Variants in CDK14 observed in about 807,000 individuals in gnomAD.
CDK14 encodes cyclin-dependent kinase 14.
Under a neutral mutation model 60.7 loss-of-function variants are expected in CDK14, and 34 were observed. That is an observed-to-expected ratio of 0.56 (90% CI 0.43 to 0.75). The LOEUF is 0.75. Among genes scored for constraint, CDK14 ranks in the 30% least tolerant of loss-of-function variants. The probability of loss-of-function intolerance (pLI) is 0.00; values close to 1 mark genes in which losing one functional copy is unlikely to be tolerated. For synonymous variants in CDK14, 197 were observed against 203.7 expected (o/e 0.97, Z 0.28); for missense variants, 482 against 564.1 (o/e 0.85, Z 1.47).
chr7:90,744,793 G>A (rs1166981697), intron 3 of CDK14, among the ~76,000 whole-genome samples: 1 of 135,650 alleles, frequency 7.4e-6, no homozygotes, highest in African/African-American at 2.7e-5. Context: ...CCTGCCGGAC[G>A]GGGCGGCTGG....
chr7:90,979,571 TAGA>T (rs773094011), intron 9 of CDK14: 6 of 152,200 alleles, frequency 3.9e-5, no homozygotes, highest in Non-Finnish European at 7.3e-5. Flanking sequence ...AGAAAGTTGA[TAGA>T]AGTTTTCCCA....
chr7:90,725,336 C>CA (rs1292074437), intron 2 of CDK14, among the ~76,000 whole-genome samples: 2 of 152,120 alleles, frequency 1.3e-5, no homozygotes, highest in Non-Finnish European at 2.9e-5. Flanking sequence ...CTCATACACT[C>CA]ACAAATATCT....
intron 9 of CDK14, among the ~76,000 whole-genome samples, chr7:90,958,118 G>A (rs1025479653): frequency 6.6e-5 from 10 of 151,902 alleles, no homozygotes; most frequent in African/African-American, 2.4e-4. Flanking sequence ...TTCATAAATT[G>A]GCCTGTGATG....
intron 2 of CDK14, among the ~76,000 whole-genome samples, chr7:90,667,575 CT>C (rs1165434635): frequency 1.2e-3 from 172 of 143,666 alleles, no homozygotes; most frequent in Middle Eastern, 7.5e-3. Context: ...TGTATCCGTA[CT>C]TTTTTTTTTT....
At position 91,158,798 on chromosome 7, in the gene CDK14, C is replaced by T. The variant is rs565127717; in HGVS notation, c.*28+40590C>T. 2.1e-4 allele frequency among the ~76,000 whole-genome samples: 32 copies of T among 152,308 alleles called. No individual in the cohort carries two copies. The South Asian group carries it at 6.2e-3, about 30-fold the overall frequency. On this transcript the variant is annotated intron_variant, in intron 14 of 14. Transcript: ENST00000380050. ...TTGACATCTTTGTCCAGCTTAGATA[C>T]AGTCAGGTCACAGGTGACATGTAAT... is the stretch of plus-strand genomic sequence containing the variant.
chr7:90,777,007 G>A (rs1584881322), intron 4 of CDK14, among the ~76,000 whole-genome samples: 1 of 121,568 alleles, frequency 8.2e-6, no homozygotes, highest in African/African-American at 3.3e-5. Context: ...ATAGTGACAC[G>A]AAGTTAGTTA....
chr7:90,658,271 T>C (rs1276146666), intron 2 of CDK14, among the ~76,000 whole-genome samples: 1 of 152,196 alleles, frequency 6.6e-6, no homozygotes, highest in East Asian at 1.9e-4. Context: ...GTATTTCTCA[T>C]AGTCCTGGAG....
At chr7:90,977,833 C>T (rs1173948416) in intron 9 of CDK14, among the ~76,000 whole-genome samples, 1 of 152,096 alleles carries the variant, frequency 6.6e-6, no homozygotes, top group South Asian at 2.1e-4. Flanking sequence ...TTATTATGTG[C>T]CTGACACTCT....
At chr7:90,664,682 C>T (rs144864867) in intron 2 of CDK14, among the ~76,000 whole-genome samples, 12,441 of 151,566 alleles carry the variant, frequency 0.082, 675 homozygotes, top group East Asian at 0.19. Flanking sequence ...AGCAAACTAT[C>T]GCAAGGACAA....
At chr7:90,616,451 C>T (rs1444833973) in intron 2 of CDK14, among the ~76,000 whole-genome samples, 1 of 152,022 alleles carries the variant, frequency 6.6e-6, no homozygotes, top group Non-Finnish European at 1.5e-5. Flanking sequence ...TGGAGAATGT[C>T]CTGCAGTGCC....
At chr7:90,683,627 C>T (rs564750389) in intron 2 of CDK14, among the ~76,000 whole-genome samples, 2 of 152,274 alleles carry the variant, frequency 1.3e-5, no homozygotes, top group East Asian at 3.9e-4. Flanking sequence ...ATGGTGAAAC[C>T]CCATCTCTAC....
intron 2 of CDK14, among the ~76,000 whole-genome samples, chr7:90,688,847 C>G (rs1179338177): frequency 6.6e-6 from 1 of 152,152 alleles, no homozygotes; most frequent in Non-Finnish European, 1.5e-5. Flanking sequence ...TTATATTACT[C>G]TGCCCACCCA....
At chr7:90,722,387 G>C (rs1022522831) in intron 2 of CDK14, among the ~76,000 whole-genome samples, 1 of 152,064 alleles carries the variant, frequency 6.6e-6, no homozygotes, top group Non-Finnish European at 1.5e-5. Context: ...TATTTGTTTT[G>C]TAGAGACAGG....
intron 14 of CDK14, among the ~76,000 whole-genome samples, chr7:91,147,160 TCTCACACACACA>T (rs1423114118): frequency 5.8e-4 from 63 of 107,748 alleles, no homozygotes; most frequent in African/African-American, 2.1e-3. Context: ...TCTCTCTCTC[TCTCACACACACA>T]CACACACACA....
At chr7:90,810,905 A>G (rs1562781110) in intron 5 of CDK14, among the ~76,000 whole-genome samples, 1 of 152,124 alleles carries the variant, frequency 6.6e-6, no homozygotes, top group African/African-American at 2.4e-5. Context: ...AATCCAACTT[A>G]CAAGGGACGT....
chr7:90,670,285 A>G (rs1801069027), intron 2 of CDK14, among the ~76,000 whole-genome samples: 1 of 152,216 alleles, frequency 6.6e-6, no homozygotes, highest in Admixed American at 6.5e-5. Context: ...ACTTGGGATC[A>G]TTTAGTTCAA....
chr7:90,697,797 G>C (rs1253466599), intron 2 of CDK14, among the ~76,000 whole-genome samples: 2 of 151,826 alleles, frequency 1.3e-5, no homozygotes, highest in African/African-American at 4.8e-5. Context: ...GGCCGGGCAC[G>C]GTGGCTCACA....
intron 14 of CDK14, among the ~76,000 whole-genome samples, chr7:91,201,360 A>T (rs1037452248): frequency 6.6e-6 from 1 of 152,178 alleles, no homozygotes; most frequent in African/African-American, 2.4e-5. Flanking sequence ...CTTCACATAC[A>T]TCCTGGAGAA....
intron 14 of CDK14, among the ~76,000 whole-genome samples, chr7:91,147,156 TCTCTCTCACA>T (rs1562924484): frequency 3.8e-5 from 4 of 106,152 alleles, no homozygotes; most frequent in African/African-American, 1.3e-4. Flanking sequence ...TCTCTCTCTC[TCTCTCTCACA>T]CACACACACA....
Sources: allele counts gnomAD v4.1 joint callset (sites outside exome capture counted in the v4.1 genomes callset), GRCh38; gene constraint gnomAD v4.1.1; transcripts MANE v1.5; gene names NCBI Gene and HGNC (gene_info 2026-07-23, HGNC 2026-07-21).